FANCI: variants seen among roughly 807,000 people sequenced by gnomAD.
FANCI encodes FA complementation group I.
Under a neutral mutation model 176.1 loss-of-function variants are expected in FANCI, and 156 were observed. That is an observed-to-expected ratio of 0.89 (90% CI 0.78 to 1.01). FANCI has a LOEUF of 1.01. FANCI is among the 50% of genes least tolerant of loss of function. The pLI is 0.00. For missense variants in FANCI, 1,678 were observed against 1,534.1 expected (o/e 1.09, Z -1.57); for synonymous variants, 613 against 541.7 (o/e 1.13, Z -1.83).
rs1420543762 is a variant in FANCI, at chr15:89,260,695, C to T, written c.158-18C>T. On this transcript the variant is annotated intron_variant, in intron 3 of 37. Transcript: ENST00000310775. The stretch of plus-strand genomic sequence containing the variant: ...TGTTGTAAGACTTGTTTCTGAACCC[C>T]CTGTTTAAAACAATAAGGTTCCCCC... 1 of 1,612,852 alleles carries T rather than the reference C, an allele frequency of 6.2e-7. No individual in the cohort carries two copies. The highest frequency in any genetic ancestry group is 8.5e-7 in the Non-Finnish European group (1 of 1,179,332).
chr15:89,312,930 G>C lies in FANCI; in HGVS notation c.3678G>C (p.Thr1226=), dbSNP rs748187517. Residue 1226 remains threonine (T), a synonymous_variant, in exon 35 of 38, where the codon ACG becomes ACC. Coordinates refer to ENST00000310775, the MANE Select transcript of FANCI (RefSeq NM_001113378.2). The part of the protein sequence containing the change: ...VQNKSKSLNY[T]GEKKEKPAAV... ...ATAAGAGTAAGAGCCTGAACTATACGGGAGAGAAAAAGGAGAAACCTGCTG... is the reference window on the plus strand; with the variant it reads ...ATAAGAGTAAGAGCCTGAACTATACCGGAGAGAAAAAGGAGAAACCTGCTG... The C allele has an allele frequency of 6.8e-6, 11 of 1,613,894 alleles. No individual in the cohort carries two copies. Among genetic ancestry groups the C allele is most frequent in the Non-Finnish European group, 7.6e-6 (9 of 1,179,910 alleles).
chr15:89,300,875 C>T (rs959620579), intron 26 of FANCI, among the ~76,000 whole-genome samples: 1 of 152,164 alleles, frequency 6.6e-6, no homozygotes, highest in Non-Finnish European at 1.5e-5. Context: ...TAGCAGGGAA[C>T]AAAAGAGACA....
chr15:89,272,226 C>G (rs868834202), intron 10 of FANCI, among the ~76,000 whole-genome samples: 5 of 152,104 alleles, frequency 3.3e-5, no homozygotes, highest in Non-Finnish European at 7.4e-5. Context: ...TTCATGTGCT[C>G]ATTAACTGTT....
chr15:89,287,731 T>C (rs182121545), intron 18 of FANCI, among the ~76,000 whole-genome samples: 3 of 152,334 alleles, frequency 2.0e-5, no homozygotes, highest in African/African-American at 7.2e-5. Flanking sequence ...GGGTTATTAA[T>C]TGACCTAATT....
intron 1 of FANCI, among the ~76,000 whole-genome samples, chr15:89,244,990 A>T (rs1188936829): frequency 6.6e-6 from 1 of 152,210 alleles, no homozygotes; most frequent in African/African-American, 2.4e-5. Context: ...TGATAAACAA[A>T]ACCAGCTACG....
rs115553854 is a variant in FANCI at position 89,308,187 on chromosome 15, T to C, written c.3651+515T>C. 2,087 of 1,032,622 alleles carry C rather than the reference T, an allele frequency of 2.0e-3. 21 individuals carry two copies. In the African/African-American group the frequency reaches 0.031, roughly 16 times the overall value. The allele number at this position is 1,032,622 out of a possible 1,614,324, so 64.0% of individuals were successfully genotyped here. A position where few individuals can be genotyped will look rare whatever the true frequency, so the allele number is the denominator to read the frequency against. On this transcript the variant is annotated intron_variant, in intron 34 of 37. Coordinates refer to ENST00000310775, the MANE Select transcript of FANCI (RefSeq NM_001113378.2). Reference sequence around the variant, plus strand: ...AACCAGTTTTTTAACCTCACCACTATTGACATGTTGCGCTAGATAATTCTT... The same window carrying C: ...AACCAGTTTTTTAACCTCACCACTACTGACATGTTGCGCTAGATAATTCTT...
At chr15:89,294,398 C>T (rs896646067) in intron 23 of FANCI, among the ~76,000 whole-genome samples, 15 of 151,922 alleles carry the variant, frequency 9.9e-5, no homozygotes, top group African/African-American at 3.1e-4. Context: ...CAGCCATGAC[C>T]GATATGGTGC....
At chr15:89,313,596 G>A (rs1045095388) in intron 35 of FANCI, among the ~76,000 whole-genome samples, 1 of 152,176 alleles carries the variant, frequency 6.6e-6, no homozygotes, top group African/African-American at 2.4e-5. Flanking sequence ...TACATTGCTG[G>A]CAAAGGTGAA....
At position 89,281,773 on chromosome 15, in the gene FANCI, C is replaced by A. The variant is rs11556720; in HGVS notation, c.1521C>A (p.Leu507=). 6.2e-7 allele frequency: 1 copy of A among 1,613,878 alleles called. No individual in the cohort carries two copies. Among genetic ancestry groups the A allele is most frequent in the East Asian group, 2.2e-5 (1 of 44,858 alleles). Residue 507 remains leucine, a synonymous_variant, in exon 16 of 38, where the codon CTC becomes CTA. Transcript: ENST00000310775. ...CACTGATTCTTTTTCAGCCCCTTCT[C>A]AAAGTCAGCATGTCAATGAGAGACT... The part of the protein sequence containing the change: ...QRLLKAVQPL[L]KVSMSMRDCL...
intron 36 of FANCI, 127 bp downstream of exon 36, chr15:89,314,834 T>C (rs878973012): frequency 0.023 from 7,996 of 347,874 alleles, 8 homozygotes; most frequent in African/African-American, 0.051. Flanking sequence ...CCATCCCCCC[T>C]CTCCCCCCCC....
At chr15:89,262,394 C>T (rs1308105483) in intron 6 of FANCI, among the ~76,000 whole-genome samples, 1 of 151,946 alleles carries the variant, frequency 6.6e-6, no homozygotes, top group Admixed American at 6.6e-5. Flanking sequence ...AAATTTGTGA[C>T]CAGTATAAGC....
chr15:89,265,717 G>A (rs2052918266), intron 9 of FANCI, among the ~76,000 whole-genome samples: 1 of 151,468 alleles, frequency 6.6e-6, no homozygotes, highest in Non-Finnish European at 1.5e-5. Context: ...TAGCGATGGG[G>A]TTTCACCATG....
At chr15:89,256,600 A>G (rs1414395971) in intron 2 of FANCI, among the ~76,000 whole-genome samples, 1 of 150,882 alleles carries the variant, frequency 6.6e-6, no homozygotes. Flanking sequence ...TTAATGACTG[A>G]CTCTTGGTGT....
At chr15:89,311,151 C>T (rs1213898574) in intron 34 of FANCI, among the ~76,000 whole-genome samples, 2 of 151,902 alleles carry the variant, frequency 1.3e-5, no homozygotes, top group Non-Finnish European at 2.9e-5. Context: ...CCCAGCTACT[C>T]GGGAGGCTGA....
At chr15:89,312,115 C>T (rs2054988428) in intron 34 of FANCI, among the ~76,000 whole-genome samples, 1 of 152,166 alleles carries the variant, frequency 6.6e-6, no homozygotes. Flanking sequence ...TTTGGCTTTG[C>T]TGAGTAACGA....
chr15:89,302,932 A>T (rs1381643938), intron 27 of FANCI, among the ~76,000 whole-genome samples: 1 of 152,134 alleles, frequency 6.6e-6, no homozygotes, highest in Non-Finnish European at 1.5e-5. Context: ...AAAACCAGAG[A>T]TTATCAAGAG....
At chr15:89,303,992 TATTCCCCATTC>T in intron 28 of FANCI, 77 bp downstream of exon 28, 1 of 1,371,904 alleles carries the variant, frequency 7.3e-7, no homozygotes, top group Non-Finnish European at 1.0e-6. Flanking sequence ...AAAGAAAAGG[TATTCCCCATTC>T]ATTACACATT....
chr15:89,273,209 C>A (rs2053265293), intron 10 of FANCI, among the ~76,000 whole-genome samples, 168 bp from the exon 11 acceptor site: 1 of 150,912 alleles, frequency 6.6e-6, no homozygotes, highest in Non-Finnish European at 1.5e-5. Context: ...GAGGCTAAGC[C>A]AGGAGGATCC....
chr15:89,261,460 C>A, intron 4 of FANCI, 125 bp from the exon 5 acceptor site: 1 of 1,188,450 alleles, frequency 8.4e-7, no homozygotes, highest in South Asian at 1.2e-5. Flanking sequence ...TTCCATAAAT[C>A]CCTTATGGGA....
Sources: gnomAD v4.1 joint callset for allele counts (sites outside exome capture counted in the v4.1 genomes callset) on GRCh38, gnomAD v4.1.1 for gene constraint, MANE v1.5 for transcripts, NCBI Gene and HGNC (gene_info 2026-07-23, HGNC 2026-07-21) for gene names.